Variants in HEXB observed in about 807,000 individuals in gnomAD.
HEXB encodes the protein beta-hexosaminidase subunit beta.
HEXB carries 51 observed loss-of-function variants against 71.2 expected under a neutral mutation model. The observed-to-expected ratio is 0.72, with a 90% CI of 0.57 to 0.90. The LOEUF (loss-of-function observed/expected upper bound fraction) is 0.90. Ranked by LOEUF, HEXB falls within the 40% of genes least tolerant of loss-of-function variation. The pLI is 0.00. For missense variants in HEXB, 617 were observed against 677.0 expected (o/e 0.91, Z 0.98); for synonymous variants, 266 against 249.3 (o/e 1.07, Z -0.63).
intron 6 of HEXB, chr5:74,706,088 A>G (rs1330360763): frequency 1.3e-5 from 2 of 152,442 alleles, no homozygotes; most frequent in Non-Finnish European, 2.9e-5. Context: ...ATGAACTCCC[A>G]TGTTCTCATC....
chr5:74,702,089 T>C (rs1749275798), intron 5 of HEXB, among the ~76,000 whole-genome samples: 1 of 135,884 alleles, frequency 7.4e-6, no homozygotes, highest in Non-Finnish European at 1.6e-5. Flanking sequence ...TTTTTTTTTT[T>C]TTTTTTTGAG....
At chr5:74,688,957 C>A (rs1231003834) in intron 1 of HEXB, among the ~76,000 whole-genome samples, 1 of 152,192 alleles carries the variant, frequency 6.6e-6, no homozygotes, top group African/African-American at 2.4e-5. Context: ...TTGCTCAGAA[C>A]TCCCCCTAAC....
intron 6 of HEXB, among the ~76,000 whole-genome samples, chr5:74,706,597 A>G (rs1009388376): frequency 1.4e-4 from 22 of 152,350 alleles, no homozygotes; most frequent in African/African-American, 5.0e-4. Flanking sequence ...CCACCCGAAT[A>G]CTGTGCTTTT....
intron 1 of HEXB, among the ~76,000 whole-genome samples, chr5:74,643,893 C>T (rs1360730545): frequency 6.6e-6 from 1 of 152,128 alleles, no homozygotes; most frequent in African/African-American, 2.4e-5. Flanking sequence ...CCAAAAGCGC[C>T]CTCTTTGTTT....
chr5:74,695,469 C>T (rs1226095375), intron 3 of HEXB, among the ~76,000 whole-genome samples: 1 of 150,760 alleles, frequency 6.6e-6, no homozygotes, highest in East Asian at 2.0e-4. Context: ...TCCCAAAGTG[C>T]TGGGATTACA....
chr5:74,710,806 A>C (rs1456962417), intron 6 of HEXB, among the ~76,000 whole-genome samples: 23 of 151,962 alleles, frequency 1.5e-4, no homozygotes, highest in South Asian at 4.1e-4. Context: ...AATGGAAGAA[A>C]ATTCCATGCT....
At chr5:74,705,858 G>T (rs907461085) in intron 6 of HEXB, 2 of 158,922 alleles carry the variant, frequency 1.3e-5, no homozygotes, top group Admixed American at 1.2e-4. Flanking sequence ...TACAAAGAAG[G>T]TACCTGACAT....
chr5:74,674,555 G>A (rs938188151), intron 1 of HEXB, among the ~76,000 whole-genome samples: 1 of 146,116 alleles, frequency 6.8e-6, no homozygotes, highest in African/African-American at 2.5e-5. Flanking sequence ...AGTGAGCTGA[G>A]ATTGCGCCAC....
chr5:74,684,471 A>G (rs1436739593), upstream of HEXB, among the ~76,000 whole-genome samples: 1 of 152,186 alleles, frequency 6.6e-6, no homozygotes, highest in African/African-American at 2.4e-5. Flanking sequence ...AAAAGCCTAG[A>G]CTTAGGAGCA....
intron 6 of HEXB, among the ~76,000 whole-genome samples, chr5:74,708,094 G>A (rs866690970): frequency 3.3e-3 from 502 of 152,078 alleles, no homozygotes; most frequent in African/African-American, 5.6e-3. Flanking sequence ...CGGATCTCTC[G>A]GCAGAAACTC....
chr5:74,698,306 T>G (rs932766605), intron 5 of HEXB, among the ~76,000 whole-genome samples: 2 of 151,770 alleles, frequency 1.3e-5, no homozygotes, highest in Non-Finnish European at 2.9e-5. Context: ...ACTCCTGACC[T>G]CAGGTGATCC....
At chr5:74,667,404 A>G (rs1415203249) in intron 1 of HEXB, among the ~76,000 whole-genome samples, 1 of 151,700 alleles carries the variant, frequency 6.6e-6, no homozygotes, top group Non-Finnish European at 1.5e-5. Context: ...GGATGAGAAG[A>G]GCAAAACTCT....
chr5:74,665,218 T>C (rs1748411724), intron 1 of HEXB, among the ~76,000 whole-genome samples: 1 of 152,208 alleles, frequency 6.6e-6, no homozygotes, highest in South Asian at 2.1e-4. Flanking sequence ...TTTGCAGTGA[T>C]AAAAGCAAGT....
chr5:74,682,671 C>T (rs534198803), upstream of HEXB, among the ~76,000 whole-genome samples: 34 of 152,150 alleles, frequency 2.2e-4, no homozygotes, highest in Non-Finnish European at 7.3e-5. Context: ...AACATTATGC[C>T]GTGCTTCCAT....
intron 1 of HEXB, among the ~76,000 whole-genome samples, chr5:74,673,070 A>G (rs1748567575): frequency 6.6e-6 from 1 of 152,248 alleles, no homozygotes; most frequent in Non-Finnish European, 1.5e-5. Context: ...AATTATATAA[A>G]TAGTATTCAT....
At position 74,693,980 on chromosome 5, in the gene HEXB, G is replaced by A. The variant is rs115048815; in HGVS notation, c.511+276G>A. On this transcript the variant is annotated intron_variant, in intron 3 of 13. Transcript: ENST00000261416. The stretch of plus-strand genomic sequence containing the variant: ...CTGAGACCAGCCTGGGCAACATGGT[G>A]CAACTCCATCTCTACAAAAAGTACA... Among the ~76,000 whole-genome samples, 794 of 152,266 alleles carry A rather than the reference G, an allele frequency of 5.2e-3. 11 individuals carry two copies. Among genetic ancestry groups the A allele is most frequent in the African/African-American group, 0.018 (757 of 41,538 alleles).
chr5:74,701,150 T>A (rs915468426), intron 5 of HEXB, among the ~76,000 whole-genome samples: 2 of 152,114 alleles, frequency 1.3e-5, no homozygotes. Context: ...CTCAAAGTGC[T>A]GGGATTACAG....
At chr5:74,644,480 G>A (rs1399210813) in intron 1 of HEXB, among the ~76,000 whole-genome samples, 4 of 152,166 alleles carry the variant, frequency 2.6e-5, no homozygotes, top group Admixed American at 6.5e-5. Flanking sequence ...TGAGACCTCA[G>A]CTTCCATCAG....
At chr5:74,664,430 T>TTAAAAAAAAAAAAAAAAA (rs768901546) in intron 1 of HEXB, among the ~76,000 whole-genome samples, 14 of 79,646 alleles carry the variant, frequency 1.8e-4, no homozygotes, top group South Asian at 4.5e-4. Flanking sequence ...ATTCTATCTC[T>TTAAAAAAAAAAAAAAAAA]AAAAAAAAAA....
Sources: allele counts gnomAD v4.1 joint callset (sites outside exome capture counted in the v4.1 genomes callset), GRCh38; gene constraint gnomAD v4.1.1; transcripts MANE v1.5; gene names NCBI Gene and HGNC (gene_info 2026-07-23, HGNC 2026-07-21).